Variants in B3GALT1 observed in about 807,000 individuals in gnomAD.
B3GALT1 encodes the protein UDP-Gal:betaGlcNAc beta 1,3-galactosyltransferase, polypeptide 1.
Under a neutral mutation model 23.2 loss-of-function variants are expected in B3GALT1, and 10 were observed. The ratio of observed to expected loss-of-function variants is 0.43; its 90% confidence interval spans 0.27 to 0.73. B3GALT1 has a LOEUF of 0.73. Among genes scored for constraint, B3GALT1 ranks in the 30% least tolerant of loss-of-function variants. B3GALT1 has a pLI of 0.21. For synonymous variants in B3GALT1, 156 were observed against 141.5 expected (o/e 1.10, Z -0.73); for missense variants, 299 against 405.4 (o/e 0.74, Z 2.25).
At chr2:167,601,838 GAC>G (rs1195965285) in intron 2 of B3GALT1, among the ~76,000 whole-genome samples, 3 of 152,136 alleles carry the variant, frequency 2.0e-5, no homozygotes, top group African/African-American at 4.8e-5. Flanking sequence ...CTTCAACATA[GAC>G]ACACTCAGCA....
At chr2:167,715,358 A>T (rs1024506906) in intron 3 of B3GALT1, 2 of 1,613,830 alleles carry the variant, frequency 1.2e-6, no homozygotes, top group Non-Finnish European at 1.7e-6. Context: ...AAGTTCAGTC[A>T]CTTGTTCTTT....
At chr2:167,352,282 T>A (rs952585704) in intron 1 of B3GALT1, among the ~76,000 whole-genome samples, 1 of 140,396 alleles carries the variant, frequency 7.1e-6, no homozygotes, top group Non-Finnish European at 1.5e-5. Flanking sequence ...TTTTTTTTGT[T>A]TTTTTTTTTT....
chr2:167,793,568 A>G (rs1688484067), intron 3 of B3GALT1, among the ~76,000 whole-genome samples: 1 of 152,198 alleles, frequency 6.6e-6, no homozygotes, highest in Non-Finnish European at 1.5e-5. Flanking sequence ...CACATTTCCA[A>G]TTGTGTAGGC....
intron 2 of B3GALT1, among the ~76,000 whole-genome samples, chr2:167,554,869 T>A (rs565726293): frequency 1.2e-3 from 183 of 152,306 alleles, no homozygotes; most frequent in Admixed American, 3.9e-3. Context: ...TATTTAGATG[T>A]CTTGCCATTT....
intron 2 of B3GALT1, among the ~76,000 whole-genome samples, chr2:167,615,655 T>TA (rs201476994): frequency 4.6e-5 from 7 of 151,094 alleles, no homozygotes; most frequent in South Asian, 2.1e-4. Context: ...AATTAAAAAA[T>TA]AAAAAAAAAT....
intron 3 of B3GALT1, among the ~76,000 whole-genome samples, chr2:167,673,553 G>A (rs1686369896): frequency 6.6e-6 from 1 of 151,828 alleles, no homozygotes. Flanking sequence ...AGCACTTAGG[G>A]ATATACTTGA....
intron 1 of B3GALT1, among the ~76,000 whole-genome samples, chr2:167,366,575 C>CA (rs1697591038): frequency 6.6e-6 from 1 of 152,060 alleles, no homozygotes; most frequent in South Asian, 2.1e-4. Flanking sequence ...AAAAAAAGAT[C>CA]AAATACAATG....
chr2:167,727,812 A>C (rs2105262450), intron 3 of B3GALT1, among the ~76,000 whole-genome samples: 1 of 152,282 alleles, frequency 6.6e-6, no homozygotes, highest in South Asian at 2.1e-4. Flanking sequence ...AAGGCCTCAC[A>C]GGAATTTTTT....
intron 1 of B3GALT1, among the ~76,000 whole-genome samples, chr2:167,340,886 T>C (rs1195905486): frequency 6.6e-6 from 1 of 152,172 alleles, no homozygotes; most frequent in Non-Finnish European, 1.5e-5. Context: ...GTTTTTGGTG[T>C]TGGCAAGAAT....
At chr2:167,313,997 AG>A (rs1324307570) in intron 1 of B3GALT1, among the ~76,000 whole-genome samples, 2 of 152,154 alleles carry the variant, frequency 1.3e-5, no homozygotes, top group East Asian at 3.8e-4. Context: ...ATCCTCAGCA[AG>A]ATCATATCGT....
intron 3 of B3GALT1, among the ~76,000 whole-genome samples, chr2:167,734,865 C>T (rs1281276952): frequency 6.6e-6 from 1 of 152,102 alleles, no homozygotes. Flanking sequence ...CTTTTTCCAT[C>T]CATCTTTCTT....
At chr2:167,547,693 CAA>C (rs71031296) in intron 2 of B3GALT1, among the ~76,000 whole-genome samples, 12 of 75,510 alleles carry the variant, frequency 1.6e-4, no homozygotes, top group East Asian at 3.5e-4. Flanking sequence ...GACTCTGTCT[CAA>C]AAAAAAAAAA....
intron 4 of B3GALT1, among the ~76,000 whole-genome samples, chr2:167,828,193 T>C (rs1689268842): frequency 6.6e-6 from 1 of 152,218 alleles, no homozygotes; most frequent in South Asian, 2.1e-4. Context: ...TGAATTAGCA[T>C]ACACCATCTA....
intron 2 of B3GALT1, among the ~76,000 whole-genome samples, chr2:167,534,174 G>A (rs1467973940): frequency 1.3e-5 from 2 of 151,828 alleles, no homozygotes; most frequent in Non-Finnish European, 1.5e-5. Flanking sequence ...ATCATTTTTG[G>A]ACCATTTTTA....
chr2:167,307,765 TTTCCTG>T (rs1487711873), intron 1 of B3GALT1, among the ~76,000 whole-genome samples: 1 of 152,012 alleles, frequency 6.6e-6, no homozygotes, highest in Non-Finnish European at 1.5e-5. Context: ...TCCCTTCCCT[TTTCCTG>T]TTCAAATTCA....
chr2:167,834,556 A>C (rs1186140166), intron 4 of B3GALT1, among the ~76,000 whole-genome samples: 1 of 152,136 alleles, frequency 6.6e-6, no homozygotes, highest in African/African-American at 2.4e-5. Flanking sequence ...TAGACTTTCT[A>C]CAAATGTTCT....
rs13396351 is a variant in B3GALT1 at position 167,818,756 on chromosome 2, G to A, written c.-267G>A. Among the ~76,000 whole-genome samples the A allele has an allele frequency of 0.012, 1,751 of 152,184 alleles. 30 individuals are homozygous for A. The highest frequency in any genetic ancestry group is 0.039 in the African/African-American group (1,631 of 41,516). On this transcript the variant is annotated 5_prime_UTR_variant, in exon 4 of 5. An upstream open reading frame in the 5' UTR loses its in-frame stop. Coordinates refer to ENST00000392690, the MANE Select transcript of B3GALT1 (RefSeq NM_020981.4). ...CCATGCTTGATTTCCTGAACTTGTA[G>A]TAAGAAGAAGGAAAACACAGCACGC...
At chr2:167,540,946 T>C (rs145420511) in intron 2 of B3GALT1, among the ~76,000 whole-genome samples, 7 of 152,042 alleles carry the variant, frequency 4.6e-5, no homozygotes, top group Non-Finnish European at 7.4e-5. Flanking sequence ...AAATCAATCA[T>C]TAAAACAACC....
chr2:167,366,534 A>G (rs1697589951), intron 1 of B3GALT1, among the ~76,000 whole-genome samples: 1 of 152,218 alleles, frequency 6.6e-6, no homozygotes, highest in Non-Finnish European at 1.5e-5. Flanking sequence ...GGTTCATCAA[A>G]ACATGATAAC....
Sources: allele counts gnomAD v4.1 joint callset (sites outside exome capture counted in the v4.1 genomes callset), GRCh38; gene constraint gnomAD v4.1.1; transcripts MANE v1.5; gene names NCBI Gene and HGNC (gene_info 2026-07-23, HGNC 2026-07-21).